Variants in WDR19 observed in about 807,000 individuals in gnomAD.
The protein encoded by WDR19 is WD repeat-containing protein 19.
WDR19 carries 121 observed loss-of-function variants against 180.0 expected under a neutral mutation model. That is an observed-to-expected ratio of 0.67 (90% CI 0.58 to 0.78). The LOEUF (loss-of-function observed/expected upper bound fraction) is 0.78, where lower values mean the gene tolerates loss of function less well. Ranked by LOEUF, WDR19 falls within the 30% of genes least tolerant of loss-of-function variation. The pLI is 0.00. For missense variants in WDR19, 1,450 were observed against 1,640.7 expected (o/e 0.88, Z 2.01); for synonymous variants, 497 against 540.7 (o/e 0.92, Z 1.12).
intron 5 of WDR19, among the ~76,000 whole-genome samples, chr4:39,198,530 C>G (rs1433039549): frequency 2.0e-5 from 3 of 151,234 alleles, no homozygotes; most frequent in Non-Finnish European, 4.4e-5. Context: ...CGCTGCACTC[C>G]AGCCTGGGCG....
At chr4:39,252,835 C>T (rs778064335) in intron 24 of WDR19, among the ~76,000 whole-genome samples, 22 of 151,926 alleles carry the variant, frequency 1.4e-4, no homozygotes, top group Non-Finnish European at 2.6e-4. Context: ...AAAAAATCTA[C>T]ATTTTCTATA....
intron 33 of WDR19, among the ~76,000 whole-genome samples, chr4:39,275,893 T>C (rs2109518297): frequency 6.6e-6 from 1 of 152,292 alleles, no homozygotes; most frequent in Non-Finnish European, 1.5e-5. Context: ...TTCCAAATCC[T>C]GTGCAGCCCC....
Position 39,205,274 on chromosome 4 carries a change from T to C in WDR19, c.716+8T>C. The C allele has an allele frequency of 6.4e-7, 1 of 1,569,822 alleles. No individual in the cohort carries two copies. The stretch of plus-strand genomic sequence containing the variant: ...CATTGTCTGCTATAATTGGTATGTC[T>C]GCTATAACTGGTATGTACAAAAAGC... On this transcript the variant is annotated splice_region_variant and intron_variant, in intron 8 of 36. Coordinates refer to ENST00000399820, the MANE Select transcript of WDR19 (RefSeq NM_025132.4).
chr4:39,234,823 C>T lies in WDR19; in HGVS notation c.2311C>T (p.Pro771Ser). The change falls in exon 20 of 37, where the codon CCA becomes TCA. Residue 771 changes from proline (P) to serine (S), a missense_variant. Coordinates refer to ENST00000399820, the MANE Select transcript of WDR19 (RefSeq NM_025132.4). ...SALQLAKHLAPDQIPFISKEY... is the reference protein window; with the variant it reads ...SALQLAKHLASDQIPFISKEY... Reference sequence around the variant, plus strand: ...TCTACAACTGGCAAAGCATTTGGCCCCAGACCAGATACCTTTTATATCAAA... The same window carrying T: ...TCTACAACTGGCAAAGCATTTGGCCTCAGACCAGATACCTTTTATATCAAA... 1 of 1,583,142 alleles carries T rather than the reference C, an allele frequency of 6.3e-7. No individual in the cohort carries two copies. Among genetic ancestry groups the T allele is most frequent in the Non-Finnish European group, 8.6e-7 (1 of 1,163,486 alleles).
chr4:39,260,080 T>G (rs1053983904), intron 28 of WDR19, among the ~76,000 whole-genome samples: 2 of 151,918 alleles, frequency 1.3e-5, no homozygotes, highest in South Asian at 4.1e-4. Context: ...CAACTCTATA[T>G]CTCCTAAACA....
intron 25 of WDR19, 103 bp downstream of exon 25, chr4:39,253,395 C>G: frequency 7.5e-7 from 1 of 1,329,272 alleles, no homozygotes; most frequent in Non-Finnish European, 1.0e-6. Context: ...AATATTTAGT[C>G]TTTATTTTTT....
chr4:39,198,519 C>A (rs985972629), intron 5 of WDR19, among the ~76,000 whole-genome samples: 17 of 151,788 alleles, frequency 1.1e-4, no homozygotes, highest in Non-Finnish European at 2.1e-4. Flanking sequence ...CAAGATCGCG[C>A]CGCTGCACTC....
intron 32 of WDR19, 50 bp from the exon 33 acceptor site, chr4:39,274,758 T>C (rs1266730353): frequency 3.1e-6 from 5 of 1,591,110 alleles, no homozygotes; most frequent in East Asian, 2.3e-5. Flanking sequence ...CCTGTATCAC[T>C]GAGGACAGCA....
chr4:39,205,856 C>G, intron 9 of WDR19, 120 bp downstream of exon 9: 1 of 923,390 alleles, frequency 1.1e-6, no homozygotes, highest in Non-Finnish European at 1.6e-6. Flanking sequence ...ACGTCTAAGA[C>G]TACTTTGCTC....
At position 39,285,067 on chromosome 4, in the gene WDR19, GA is replaced by G. The variant is rs1049326078; in HGVS notation, c.*14-409del. The stretch of plus-strand genomic sequence containing the variant: ...GTAACAAGACCCCATCATCTCCTAG[GA>G]AAAAAAAAAAGACACACACAAAGTC... On this transcript the variant is annotated intron_variant, in intron 36 of 36. Coordinates refer to ENST00000399820, the MANE Select transcript of WDR19 (RefSeq NM_025132.4). Among the ~76,000 whole-genome samples the G allele has an allele frequency of 2.1e-4, 22 of 106,142 alleles. 1 individual carries two copies. The highest frequency in any genetic ancestry group is 5.3e-4 in the South Asian group (2 of 3,794). 69.6% of individuals were successfully genotyped at this position (106,142 alleles called of 152,430 possible).
chr4:39,190,572 A>T (rs1279561344), intron 4 of WDR19, among the ~76,000 whole-genome samples: 1 of 152,140 alleles, frequency 6.6e-6, no homozygotes, highest in Non-Finnish European at 1.5e-5. Context: ...TCATGTGGGG[A>T]GGAAGAGATC....
chr4:39,224,852 A>G (rs1560510719), intron 14 of WDR19, 32 bp from the exon 15 acceptor site: 2 of 1,471,150 alleles, frequency 1.4e-6, no homozygotes, highest in African/African-American at 1.5e-5. Context: ...TACCTTTTAT[A>G]TTTTCATGGC....
rs1729148148 is a variant in WDR19 at position 39,217,149 on chromosome 4, A to G, written c.1265A>G (p.Lys422Arg). 1 of 1,605,578 alleles carries G rather than the reference A, an allele frequency of 6.2e-7. No homozygotes were observed. The highest frequency in any genetic ancestry group is 1.1e-5 in the South Asian group (1 of 88,834). ...ATTGCTACAGCTGTGAAAAAATTGAAAGATATGGAGTATCTGGGAACAGTA... is the reference window on the plus strand; with the variant it reads ...ATTGCTACAGCTGTGAAAAAATTGAGAGATATGGAGTATCTGGGAACAGTA... ...VLGENAVKKLKDMEYLGTVAS... is the reference protein window; with the variant it reads ...VLGENAVKKLRDMEYLGTVAS... Residue 422 changes from lysine (K) to arginine (R), a missense_variant, in exon 13 of 37, where the codon AAA (lysine) becomes AGA (arginine). Physicochemically the swap from Lys to Arg is conservative, Grantham distance 26. Transcript: ENST00000399820.
intron 6 of WDR19, 79 bp downstream of exon 6, chr4:39,199,672 A>G (rs1727172564): frequency 3.4e-6 from 4 of 1,183,932 alleles, no homozygotes; most frequent in South Asian, 2.7e-5. Context: ...AAACTAATCT[A>G]TACAATTTTT....
chr4:39,233,800 C>T (rs904065388), intron 19 of WDR19, among the ~76,000 whole-genome samples: 4 of 152,142 alleles, frequency 2.6e-5, no homozygotes, highest in South Asian at 2.1e-4. Context: ...AATATGGCTG[C>T]GATGACTGAG....
In WDR19 at chr4:39,216,149, T is replaced by C. The variant is rs779707472; in HGVS notation, c.1188T>C (p.Gly396=). ...VDVEPNFVAV[G]LYHLAVGMNN... is the part of the protein sequence containing the mutation. The stretch of plus-strand genomic sequence containing the variant: ...TGGAACCCAACTTTGTGGCAGTAGG[T>C]CTTTATCATCTGGCTGTAGGAATGA... The change falls in exon 12 of 37, where the codon GGT becomes GGC. Residue 396 remains glycine (G), a synonymous_variant. Transcript: ENST00000399820. The C allele has an allele frequency of 1.4e-5, 23 of 1,594,510 alleles. No homozygotes were observed. The South Asian group carries it at 2.6e-4, about 18-fold the overall frequency.
intron 30 of WDR19, 25 bp from the exon 31 acceptor site, chr4:39,269,951 T>G: frequency 6.2e-7 from 1 of 1,612,602 alleles, no homozygotes; most frequent in Non-Finnish European, 8.5e-7. Flanking sequence ...TTTGCAGTAA[T>G]GTCGTTTTAC....
intron 26 of WDR19, among the ~76,000 whole-genome samples, chr4:39,254,372 T>C (rs763312937): frequency 6.6e-6 from 1 of 152,220 alleles, no homozygotes; most frequent in Non-Finnish European, 1.5e-5. Flanking sequence ...AGATGATTTT[T>C]GAAAATGTAA....
rs1729157135 is a variant in WDR19 at position 39,217,239 on chromosome 4, T to G, written c.1355T>G (p.Leu452Trp). 4 of 1,589,362 alleles carry G rather than the reference T, an allele frequency of 2.5e-6. No homozygotes were observed. The East Asian group carries it at 9.0e-5, about 36-fold the overall frequency. ...ALFEGKVQLHLIESEILDAQE... is the reference protein window; with the variant it reads ...ALFEGKVQLHWIESEILDAQE... ...TTTGAAGGCAAAGTCCAGTTACATT[T>G]GGTAAGTATAATTTTGATGTCCTGG... is the stretch of plus-strand genomic sequence containing the variant. The change falls in exon 13 of 37, where the codon TTG (leucine) becomes TGG (tryptophan). Residue 452 changes from leucine to tryptophan, a missense_variant and splice_region_variant. Physicochemically the swap from Leu to Trp is moderately conservative, Grantham distance 61 (BLOSUM62 -2). Transcript: ENST00000399820.
Sources: allele counts gnomAD v4.1 joint callset (sites outside exome capture counted in the v4.1 genomes callset), GRCh38; gene constraint gnomAD v4.1.1; transcripts MANE v1.5; gene names NCBI Gene and HGNC (gene_info 2026-07-23, HGNC 2026-07-21).